The following ZFAT variants were observed in gnomAD, a reference collection of about 807,000 sequenced individuals.
The protein encoded by ZFAT is zinc finger protein ZFAT.
A neutral mutation model predicts 117.7 loss-of-function variants in ZFAT; 64 were observed. That is an observed-to-expected ratio of 0.54 (90% CI 0.44 to 0.67). The LOEUF is 0.67. ZFAT is among the 30% of genes least tolerant of loss of function. The pLI, the probability that ZFAT is intolerant of heterozygous loss-of-function variation, is 0.00. For synonymous variants in ZFAT, 679 were observed against 615.0 expected, an observed-to-expected ratio of 1.10 and a Z score of -1.54; for missense variants, 1,433 against 1,584.5, an observed-to-expected ratio of 0.90 and a Z score of 1.62.
chr8:134,646,030 C>T (rs148208325), intron 2 of ZFAT, among the ~76,000 whole-genome samples: 61 of 151,152 alleles, frequency 4.0e-4, no homozygotes, highest in Admixed American at 1.1e-3. Context: ...AGTGAAACAC[C>T]GTCTCTACTT....
the ZFAT span, among the ~76,000 whole-genome samples, chr8:134,810,057 T>A: frequency 1.3e-5 from 2 of 152,200 alleles, no homozygotes; most frequent in African/African-American, 2.4e-5. Flanking sequence ...AACTCTGCTT[T>A]AGAGACTTAA....
chr8:134,601,526 C>T lies in ZFAT; in HGVS notation c.2193G>A (p.Leu731=), dbSNP rs1234422602. 5.0e-6 allele frequency: 8 copies of T among 1,614,064 alleles called. No individual in the cohort carries two copies. Among genetic ancestry groups the T allele is most frequent in the Non-Finnish European group, 6.8e-6 (8 of 1,180,024 alleles). ...SLQKKQMNTS[L]CERIRKVYGD... ...CATAAACCTTCCGGATCCGCTCACA[C>T]AAGCTGGTGTTCATTTGCTTCTTCT... The change falls in exon 6 of 16, where the codon TTG becomes TTA. Residue 731 remains leucine, a synonymous_variant. Coordinates refer to ENST00000377838, the MANE Select transcript of ZFAT (RefSeq NM_020863.4).
At chr8:134,741,620 T>C in the ZFAT span, among the ~76,000 whole-genome samples, 5 of 152,254 alleles carry the variant, frequency 3.3e-5, no homozygotes, top group African/African-American at 1.2e-4. Context: ...TCTTCCTGGG[T>C]AACAGAGACA....
At chr8:134,587,154 C>G (rs1826121772) in intron 9 of ZFAT, among the ~76,000 whole-genome samples, 4 of 152,184 alleles carry the variant, frequency 2.6e-5, no homozygotes, top group Admixed American at 2.6e-4. Flanking sequence ...CCTCTCCACA[C>G]CTGGGTTGTT....
intron 1 of ZFAT, among the ~76,000 whole-genome samples, chr8:134,703,005 G>C (rs1198388888): frequency 6.6e-6 from 1 of 152,126 alleles, no homozygotes; most frequent in South Asian, 2.1e-4. Context: ...ACCCAGTCTC[G>C]GGTATGTCTT....
chr8:134,515,165 C>T (rs1201259993), intron 13 of ZFAT, among the ~76,000 whole-genome samples: 1 of 152,126 alleles, frequency 6.6e-6, no homozygotes, highest in African/African-American at 2.4e-5. Flanking sequence ...GCATAGTATT[C>T]CATGGTGTAT....
chr8:134,698,670 C>T (rs556348331), intron 1 of ZFAT, among the ~76,000 whole-genome samples: 33 of 152,222 alleles, frequency 2.2e-4, no homozygotes, highest in Non-Finnish European at 4.1e-4. Flanking sequence ...AGGAACTCTC[C>T]TCCCACTCAA....
At chr8:134,608,167 A>G (rs909579216) in intron 5 of ZFAT, among the ~76,000 whole-genome samples, 3 of 152,240 alleles carry the variant, frequency 2.0e-5, no homozygotes, top group Admixed American at 2.0e-4. Context: ...TGAAAACAGT[A>G]CTTTTGGTAT....
intron 15 of ZFAT, among the ~76,000 whole-genome samples, chr8:134,482,196 G>A (rs933873093): frequency 2.0e-5 from 3 of 152,070 alleles, no homozygotes; most frequent in South Asian, 2.1e-4. Flanking sequence ...TTTTACTCCC[G>A]GCTGAGCCAG....
chr8:134,556,668 C>T (rs183658226), intron 11 of ZFAT, among the ~76,000 whole-genome samples: 58 of 152,226 alleles, frequency 3.8e-4, no homozygotes, highest in Middle Eastern at 3.4e-3. Context: ...AGAGTGATGT[C>T]CCCCTAGAAG....
At chr8:134,782,696 T>G in the ZFAT span, among the ~76,000 whole-genome samples, 1 of 152,082 alleles carries the variant, frequency 6.6e-6, no homozygotes, top group Non-Finnish European at 1.5e-5. Context: ...CATTCTCTTG[T>G]CTGCTGCCAT....
At chr8:134,606,530 C>A (rs1203397678) in intron 5 of ZFAT, among the ~76,000 whole-genome samples, 1 of 151,966 alleles carries the variant, frequency 6.6e-6, no homozygotes. Flanking sequence ...GCCTGGCCAA[C>A]ATAGTGAAAC....
chr8:134,717,573 T>G (rs113329818), upstream of ZFAT, among the ~76,000 whole-genome samples: 216 of 142,204 alleles, frequency 1.5e-3, 1 homozygote, highest in African/African-American at 5.4e-3. Flanking sequence ...AAGCTCTGCC[T>G]CCTGGGTTCA....
intron 2 of ZFAT, 24 bp downstream of exon 2, chr8:134,657,537 T>A: frequency 6.3e-7 from 1 of 1,585,920 alleles, no homozygotes; most frequent in Non-Finnish European, 8.6e-7. Flanking sequence ...GAAGGTATCC[T>A]GCCCCACCCC....
At chr8:134,511,217 G>A (rs1173101807) in intron 14 of ZFAT, 1 of 152,518 alleles carries the variant, frequency 6.6e-6, no homozygotes, top group Non-Finnish European at 1.5e-5. Flanking sequence ...GAAGGAGTGA[G>A]AGAGTGAGTG....
At chr8:134,819,499 C>A in the ZFAT span, among the ~76,000 whole-genome samples, 5 of 67,424 alleles carry the variant, frequency 7.4e-5, no homozygotes, top group East Asian at 4.6e-4. Flanking sequence ...ATTTACCACC[C>A]CCCCCCCCCG....
At chr8:134,696,180 C>T (rs1563771460) in intron 1 of ZFAT, among the ~76,000 whole-genome samples, 1 of 152,028 alleles carries the variant, frequency 6.6e-6, no homozygotes, top group African/African-American at 2.4e-5. Flanking sequence ...AGGCCCTGGC[C>T]CCATCTCTAA....
At chr8:134,710,959 A>C (rs183377814) in intron 1 of ZFAT, among the ~76,000 whole-genome samples, 155 of 152,330 alleles carry the variant, frequency 1.0e-3, no homozygotes, top group Non-Finnish European at 2.0e-3. Context: ...TAATACAGTG[A>C]AAAACAAGGT....
chr8:134,530,912 C>T (rs934068057), intron 12 of ZFAT, among the ~76,000 whole-genome samples: 11 of 152,126 alleles, frequency 7.2e-5, no homozygotes, highest in Admixed American at 5.9e-4. Flanking sequence ...CCAAACACCA[C>T]GCCATTTTAT....
Sources: gnomAD v4.1 joint callset for allele counts (sites outside exome capture counted in the v4.1 genomes callset) on GRCh38, gnomAD v4.1.1 for gene constraint, MANE v1.5 for transcripts, NCBI Gene and HGNC (gene_info 2026-07-23, HGNC 2026-07-21) for gene names.